The following KIF2C variants were observed in gnomAD, a reference collection of about 807,000 sequenced individuals.
KIF2C encodes the protein kinesin family member 2C.
Under a neutral mutation model 97.4 loss-of-function variants are expected in KIF2C, and 34 were observed. The observed-to-expected ratio is 0.35, with a 90% CI of 0.27 to 0.46. The LOEUF is 0.46. KIF2C is among the 20% of genes least tolerant of loss of function. KIF2C has a pLI of 1.00. For missense variants in KIF2C, 750 were observed against 907.6 expected, an observed-to-expected ratio of 0.83 and a Z score of 2.23; for synonymous variants, 313 against 318.2, an observed-to-expected ratio of 0.98 and a Z score of 0.17.
At chr1:44,759,723 C>A (rs549311085) in intron 14 of KIF2C, among the ~76,000 whole-genome samples, 22 of 152,292 alleles carry the variant, frequency 1.4e-4, no homozygotes, top group African/African-American at 4.8e-4. Context: ...CAAAGTGTTA[C>A]CCCAAAGGCA....
chr1:44,742,103 T>TTTTG (rs1157241561), intron 2 of KIF2C, among the ~76,000 whole-genome samples: 25 of 151,970 alleles, frequency 1.6e-4, no homozygotes, highest in Non-Finnish European at 2.6e-4. Flanking sequence ...TCTGGGTTTT[T>TTTTG]TTTGTTTGTT....
At chr1:44,752,133 A>ATTTTTTT (rs1176639607) in intron 5 of KIF2C, among the ~76,000 whole-genome samples, 8 of 81,470 alleles carry the variant, frequency 9.8e-5, no homozygotes, top group Admixed American at 1.5e-4. Flanking sequence ...ATTAAATTGA[A>ATTTTTTT]TTTTTTTTTT....
Position 44,753,933 on chromosome 1 carries a change from G to A in KIF2C, c.663+100G>A, listed in dbSNP as rs1455662982. The A allele has an allele frequency of 1.1e-5, 5 of 456,262 alleles. No homozygotes were observed. The South Asian group carries it at 1.5e-4, about 14-fold the overall frequency. 28.3% of individuals were successfully genotyped at this position (456,262 alleles called of 1,614,324 possible). A position where few individuals can be genotyped will look rare whatever the true frequency, so the allele number is the denominator to read the frequency against. On this transcript the variant is annotated intron_variant, in intron 7 of 20. Transcript: ENST00000372224. ...TACAGTTGGGCCCCAGCATTTCTGA[G>A]GCTCCAGTTCTTGAGGCCCCAATTC...
intron 6 of KIF2C, 47 bp from the exon 7 acceptor site, chr1:44,753,686 A>T: frequency 7.2e-7 from 1 of 1,384,490 alleles, no homozygotes; most frequent in Non-Finnish European, 1.0e-6. Context: ...TAAACTGGTA[A>T]CAGAGTGGGC....
At chr1:44,742,018 A>G (rs2148819865) in intron 2 of KIF2C, among the ~76,000 whole-genome samples, 1 of 151,386 alleles carries the variant, frequency 6.6e-6, no homozygotes, top group African/African-American at 2.4e-5. Flanking sequence ...AAAAAAAAAA[A>G]AGAATGGTCC....
Position 44,767,078 on chromosome 1 carries a change from C to T in KIF2C, c.2096-19C>T, listed in dbSNP as rs567369038. ...CAGACTCTCACTAACCCCATATGTA[C>T]CGCTACCCTTTCTTCCAGATGTCAT... On this transcript the variant is annotated intron_variant, in intron 20 of 20. Transcript: ENST00000372224. The T allele has an allele frequency of 3.5e-5, 57 of 1,613,366 alleles. 2 individuals are homozygous for T. The South Asian group carries it at 6.3e-4, about 18-fold the overall frequency.
At chr1:44,746,676 C>T in intron 2 of KIF2C, 1 of 1,583,892 alleles carries the variant, frequency 6.3e-7, no homozygotes, top group South Asian at 1.2e-5. Flanking sequence ...TGTTTGCCTG[C>T]CTGTCTGCCC....
Position 44,766,698 on chromosome 1 carries a change from C to T in KIF2C, c.1972-128C>T, listed in dbSNP as rs540370655. On this transcript the variant is annotated intron_variant, in intron 19 of 20. Transcript: ENST00000372224. Reference sequence around the variant, plus strand: ...AGGATTTCCTTGGGGAGAGGGTGAACAGCCAGGGTATGGGTCAGGGACCAG... The same window carrying T: ...AGGATTTCCTTGGGGAGAGGGTGAATAGCCAGGGTATGGGTCAGGGACCAG... The T allele has an allele frequency of 4.4e-5, 41 of 941,690 alleles. No homozygotes were observed. The African/African-American group carries it at 6.3e-4, about 14-fold the overall frequency. 58.3% of individuals were successfully genotyped at this position (941,690 alleles called of 1,614,324 possible).
At chr1:44,753,956 TTC>T (rs370697207) in intron 7 of KIF2C, 123 bp downstream of exon 7, 31 of 302,000 alleles carry the variant, frequency 1.0e-4, no homozygotes, top group South Asian at 2.4e-4. Flanking sequence ...GAGGCCCCAA[TTC>T]TTTTTTTTTT....
intron 17 of KIF2C, 97 bp from the exon 18 acceptor site, chr1:44,762,249 C>T: frequency 8.7e-7 from 1 of 1,154,894 alleles, no homozygotes; most frequent in Admixed American, 1.7e-5. Context: ...CATTCCATCC[C>T]CTTGGAGCCT....
rs539198917 is a variant in KIF2C, at chr1:44,762,749, C to T, written c.1971+91C>T. The T allele has an allele frequency of 1.0e-4, 82 of 818,142 alleles. 2 individuals are homozygous for T. The South Asian group carries it at 1.1e-3, about 11-fold the overall frequency. 50.7% of individuals were successfully genotyped at this position (818,142 alleles called of 1,614,324 possible). A position where few individuals can be genotyped will look rare whatever the true frequency, so the allele number is the denominator to read the frequency against. ...CCAGAACATGACCTGGGCCTTGTTC[C>T]CACAGGTATTCACATAGCAAGAAGC... On this transcript the variant is annotated intron_variant, in intron 19 of 20. Transcript: ENST00000372224.
In KIF2C at chr1:44,747,707, G is replaced by A. The variant is rs1380399381; in HGVS notation, c.316+7G>A. The A allele has an allele frequency of 6.2e-7, 1 of 1,611,248 alleles. No homozygotes were observed. Among genetic ancestry groups the A allele is most frequent in the Non-Finnish European group, 8.5e-7 (1 of 1,177,804 alleles). ...ATTCCTGCTCCAAAAGAAAGTAAGTGGATTTCTACTAGCTTACTATCATGG... is the reference window on the plus strand; with the variant it reads ...ATTCCTGCTCCAAAAGAAAGTAAGTAGATTTCTACTAGCTTACTATCATGG... On this transcript the variant is annotated splice_region_variant and intron_variant, in intron 4 of 20. Coordinates refer to ENST00000372224, the MANE Select transcript of KIF2C (RefSeq NM_006845.4).
intron 2 of KIF2C, 110 bp from the exon 3 acceptor site, chr1:44,747,274 C>T (rs1384714817): frequency 5.6e-6 from 5 of 889,112 alleles, no homozygotes; most frequent in Non-Finnish European, 7.0e-6. Flanking sequence ...CACCACTGCC[C>T]TCCAGCCTGG....
At chr1:44,742,092 T>C (rs1027913245) in intron 2 of KIF2C, among the ~76,000 whole-genome samples, 13 of 151,764 alleles carry the variant, frequency 8.6e-5, no homozygotes, top group South Asian at 4.2e-4. Flanking sequence ...ATCAATAATT[T>C]TCTGGGTTTT....
intron 19 of KIF2C, among the ~76,000 whole-genome samples, chr1:44,763,374 G>T (rs1214222218): frequency 6.6e-6 from 1 of 152,186 alleles, no homozygotes; most frequent in Non-Finnish European, 1.5e-5. Flanking sequence ...GGACTGTGAA[G>T]GGTAAGTGCT....
chr1:44,765,215 G>A (rs1178218010), intron 19 of KIF2C, among the ~76,000 whole-genome samples: 1 of 152,066 alleles, frequency 6.6e-6, no homozygotes, highest in Non-Finnish European at 1.5e-5. Flanking sequence ...CTTGAGCTCA[G>A]GAGTTCGAGA....
At chr1:44,743,401 A>C (rs540068211) in intron 2 of KIF2C, among the ~76,000 whole-genome samples, 2 of 152,298 alleles carry the variant, frequency 1.3e-5, no homozygotes, top group East Asian at 3.9e-4. Flanking sequence ...TACTCAGCAC[A>C]TTTTTTGGAC....
intron 5 of KIF2C, 103 bp downstream of exon 5, chr1:44,750,667 C>T (rs1213315759): frequency 7.8e-7 from 1 of 1,275,244 alleles, no homozygotes; most frequent in Non-Finnish European, 1.0e-6. Flanking sequence ...CCCCCAGCTT[C>T]AGAACTGGTC....
intron 2 of KIF2C, among the ~76,000 whole-genome samples, chr1:44,744,392 G>A (rs899361553): frequency 6.6e-6 from 1 of 152,214 alleles, no homozygotes; most frequent in African/African-American, 2.4e-5. Context: ...ACAGGCATGA[G>A]CCACCACATG....
Sources: allele counts gnomAD v4.1 joint callset (sites outside exome capture counted in the v4.1 genomes callset), GRCh38; gene constraint gnomAD v4.1.1; transcripts MANE v1.5; gene names NCBI Gene and HGNC (gene_info 2026-07-23, HGNC 2026-07-21).